Variants in GPR158 observed in about 807,000 individuals in gnomAD.
GPR158 encodes the protein metabotropic glycine receptor.
GPR158 carries 30 observed loss-of-function variants against 78.2 expected under a neutral mutation model. The ratio of observed to expected loss-of-function variants is 0.38; its 90% CI spans 0.29 to 0.52. The LOEUF (loss-of-function observed/expected upper bound fraction) is 0.52. GPR158 is among the 20% of genes least tolerant of loss of function. The probability of loss-of-function intolerance (pLI) is 0.83; values close to 1 mark genes in which losing one functional copy is unlikely to be tolerated. For missense variants in GPR158, 1,463 were observed against 1,523.5 expected, an observed-to-expected ratio of 0.96 and a Z score of 0.66; for synonymous variants, 581 against 591.1, an observed-to-expected ratio of 0.98 and a Z score of 0.25.
chr10:25,431,356 ACAG>A (rs1432724618), intron 4 of GPR158, among the ~76,000 whole-genome samples: 1 of 148,932 alleles, frequency 6.7e-6, no homozygotes, highest in African/African-American at 2.5e-5. Flanking sequence ...AAGTCAGGAA[ACAG>A]CAGGTGCTGG....
chr10:25,512,708 T>C (rs1836101345), intron 5 of GPR158, among the ~76,000 whole-genome samples: 1 of 147,872 alleles, frequency 6.8e-6, no homozygotes, highest in Non-Finnish European at 1.5e-5. Context: ...ATGTCCGTCC[T>C]GTACTGACTT....
intron 1 of GPR158, among the ~76,000 whole-genome samples, chr10:25,200,868 G>GTTTTTTTTTTTTTTTTTTTTTTTTT (rs56696555): frequency 8.8e-6 from 1 of 113,300 alleles, no homozygotes; most frequent in African/African-American, 3.0e-5. Context: ...TTTTTGTTTT[G>GTTTTTTTTTTTTTTTTTTTTTTTTT]TTTTTTTTTT....
At chr10:25,575,609 G>A (rs1418871372) in intron 7 of GPR158, among the ~76,000 whole-genome samples, 5 of 152,130 alleles carry the variant, frequency 3.3e-5, no homozygotes, top group Non-Finnish European at 2.9e-5. Context: ...CTGACTCCAC[G>A]GAGGGAGTCA....
intron 5 of GPR158, among the ~76,000 whole-genome samples, chr10:25,519,742 C>T (rs11516854): frequency 0.33 from 36,381 of 110,716 alleles, 6,249 homozygotes; most frequent in East Asian, 0.44. Flanking sequence ...CTGAGAGATC[C>T]GCTGTTAGTC....
chr10:25,575,128 A>G (rs1338279804), intron 7 of GPR158, among the ~76,000 whole-genome samples: 1 of 152,116 alleles, frequency 6.6e-6, no homozygotes, highest in African/African-American at 2.4e-5. Flanking sequence ...CATGGAGGAA[A>G]TGCCTACCTA....
At chr10:25,575,525 G>A (rs1299042161) in intron 7 of GPR158, among the ~76,000 whole-genome samples, 1 of 152,058 alleles carries the variant, frequency 6.6e-6, no homozygotes, top group East Asian at 1.9e-4. Flanking sequence ...GACACTCCCG[G>A]ATAGTGGAGC....
intron 2 of GPR158, among the ~76,000 whole-genome samples, chr10:25,222,181 C>G (rs576754000): frequency 6.6e-6 from 1 of 152,020 alleles, no homozygotes; most frequent in Admixed American, 6.6e-5. Flanking sequence ...ACGCATACTC[C>G]TGCCACACAC....
At chr10:25,241,174 TTTCTTTCTTTC>T (rs1425985988) in intron 2 of GPR158, among the ~76,000 whole-genome samples, 2 of 111,834 alleles carry the variant, frequency 1.8e-5, no homozygotes, top group African/African-American at 4.2e-5. Context: ...TCTTTCTTTC[TTTCTTTCTTTC>T]TTTCCTTTCT....
At chr10:25,377,421 A>G (rs1445827229) in intron 2 of GPR158, among the ~76,000 whole-genome samples, 3 of 152,026 alleles carry the variant, frequency 2.0e-5, no homozygotes, top group Non-Finnish European at 4.4e-5. Context: ...ACCTTTCTAA[A>G]GTGTAGAATT....
Position 25,589,037 on chromosome 10 carries a change from A to G in GPR158, c.1784A>G (p.Tyr595Cys). Residue 595 changes from tyrosine (Y) to cysteine (C), a missense_variant, in exon 8 of 11, where the codon TAT (tyrosine) becomes TGT (cysteine). Transcript: ENST00000376351. Reference protein sequence around the residue: ...AEFLFLLWGVYLCYAVRTVPS... With the variant: ...AEFLFLLWGVCLCYAVRTVPS... ...TTTTTATTCCTCTTGTGGGGTGTTT[A>G]TCTCTGCTATGCAGTGCGGACAGTC... The G allele has an allele frequency of 6.3e-7, 1 of 1,591,010 alleles. No homozygotes were observed. The highest frequency in any genetic ancestry group is 8.6e-7 in the Non-Finnish European group (1 of 1,164,426).
chr10:25,286,129 C>A (rs950465171), intron 2 of GPR158, among the ~76,000 whole-genome samples: 4 of 151,988 alleles, frequency 2.6e-5, no homozygotes, highest in African/African-American at 9.6e-5. Context: ...GCATTTTTTC[C>A]CTTTTTCTTG....
intron 1 of GPR158, among the ~76,000 whole-genome samples, chr10:25,218,045 G>T (rs1308042153): frequency 6.6e-6 from 1 of 152,136 alleles, no homozygotes; most frequent in Non-Finnish European, 1.5e-5. Flanking sequence ...GATGGGACAC[G>T]TGGGTCCTTA....
chr10:25,440,950 A>G (rs1394830394), intron 4 of GPR158, among the ~76,000 whole-genome samples: 1 of 152,206 alleles, frequency 6.6e-6, no homozygotes, highest in Non-Finnish European at 1.5e-5. Flanking sequence ...GGTAGGACTC[A>G]TAGTCTCATT....
Position 25,337,782 on chromosome 10 carries a change from A to G in GPR158, c.1009-58129A>G, listed in dbSNP as rs539771961. ...CATATATGAATGAAAAATTTGCTCC[A>G]CACACTTGCCAACCATGATATTGTC... On this transcript the variant is annotated intron_variant, in intron 2 of 10. Transcript: ENST00000376351. Among the ~76,000 whole-genome samples, 6 of 152,088 alleles carry G rather than the reference A, an allele frequency of 3.9e-5. No homozygotes were observed. In the East Asian group the frequency reaches 9.7e-4, roughly 25 times the overall value.
intron 5 of GPR158, among the ~76,000 whole-genome samples, chr10:25,471,789 G>A (rs1297314217): frequency 5.9e-5 from 9 of 152,100 alleles, no homozygotes; most frequent in African/African-American, 1.2e-4. Flanking sequence ...CATATCCTTC[G>A]CCCACTTTTT....
At chr10:25,497,366 T>C (rs1327787150) in intron 5 of GPR158, among the ~76,000 whole-genome samples, 2 of 152,152 alleles carry the variant, frequency 1.3e-5, no homozygotes, top group Non-Finnish European at 2.9e-5. Context: ...TCCCAATGTA[T>C]TTCCCATGAG....
intron 1 of GPR158, among the ~76,000 whole-genome samples, chr10:25,180,862 T>C (rs1251705244): frequency 6.6e-6 from 1 of 150,452 alleles, no homozygotes; most frequent in Admixed American, 6.6e-5. Flanking sequence ...TGGTATTTGG[T>C]TAAGAAAAAA....
chr10:25,392,242 T>G (rs1283060670), intron 2 of GPR158, among the ~76,000 whole-genome samples: 1 of 152,198 alleles, frequency 6.6e-6, no homozygotes, highest in Non-Finnish European at 1.5e-5. Context: ...CCAGTGCCCT[T>G]GCCAGTGCCT....
intron 2 of GPR158, among the ~76,000 whole-genome samples, chr10:25,251,939 T>G (rs1390824056): frequency 3.3e-5 from 5 of 152,176 alleles, no homozygotes; most frequent in Non-Finnish European, 1.5e-5. Flanking sequence ...TCCCTGTCAC[T>G]TTCAGATACA....
Sources: gnomAD v4.1 joint callset for allele counts (sites outside exome capture counted in the v4.1 genomes callset) on GRCh38, gnomAD v4.1.1 for gene constraint, MANE v1.5 for transcripts, NCBI Gene and HGNC (gene_info 2026-07-23, HGNC 2026-07-21) for gene names.